PLEKHH2: variants seen among roughly 807,000 people sequenced by gnomAD.
The protein encoded by PLEKHH2 is pleckstrin homology, MyTH4 and FERM domain containing H2, also known as pleckstrin homology domain-containing family H member 2.
In PLEKHH2, 129 loss-of-function variants were observed where a neutral mutation model predicts 187.9. The ratio of observed to expected loss-of-function variants is 0.69; its 90% CI spans 0.59 to 0.79. PLEKHH2 has a LOEUF of 0.79. Ranked by LOEUF, PLEKHH2 falls within the 30% of genes least tolerant of loss-of-function variation. The pLI, the probability that PLEKHH2 is intolerant of heterozygous loss-of-function variation, is 0.00. For synonymous variants in PLEKHH2, 686 were observed against 605.6 expected, an observed-to-expected ratio of 1.13 and a Z score of -1.95; for missense variants, 2,076 against 1,751.2, an observed-to-expected ratio of 1.19 and a Z score of -3.31.
At chr2:43,716,806 G>A (rs1670234144) in intron 15 of PLEKHH2, among the ~76,000 whole-genome samples, 1 of 152,150 alleles carries the variant, frequency 6.6e-6, no homozygotes, top group East Asian at 1.9e-4. Context: ...TGTGAAAATA[G>A]AGGGAATAAT....
At chr2:43,732,586 A>T (rs772959928) in intron 19 of PLEKHH2, among the ~76,000 whole-genome samples, 1 of 152,158 alleles carries the variant, frequency 6.6e-6, no homozygotes, top group Non-Finnish European at 1.5e-5. Flanking sequence ...AAAAGCTTCA[A>T]TTCGAACATC....
At chr2:43,683,835 G>C (rs1465702555) in intron 3 of PLEKHH2, among the ~76,000 whole-genome samples, 1 of 151,314 alleles carries the variant, frequency 6.6e-6, no homozygotes. Context: ...TTAAATCAAT[G>C]ATTTCATCAG....
At chr2:43,678,111 C>G (rs188893909) in intron 2 of PLEKHH2, among the ~76,000 whole-genome samples, 26 of 146,462 alleles carry the variant, frequency 1.8e-4, no homozygotes, top group African/African-American at 6.6e-4. Flanking sequence ...CATTCCAGAC[C>G]GGGCGGCGGG....
chr2:43,733,695 A>G (rs911424396), intron 19 of PLEKHH2, among the ~76,000 whole-genome samples: 1 of 152,212 alleles, frequency 6.6e-6, no homozygotes, highest in African/African-American at 2.4e-5. Context: ...GATATACATT[A>G]AAATACTCCA....
intron 2 of PLEKHH2, among the ~76,000 whole-genome samples, chr2:43,650,993 T>C (rs1487295165): frequency 6.6e-6 from 1 of 152,056 alleles, no homozygotes; most frequent in South Asian, 2.1e-4. Flanking sequence ...TTTAAAATAA[T>C]CTAAGTTTTA....
intron 3 of PLEKHH2, among the ~76,000 whole-genome samples, chr2:43,683,037 C>G (rs1353890037): frequency 6.6e-6 from 1 of 151,934 alleles, no homozygotes; most frequent in African/African-American, 2.4e-5. Context: ...TCTCCTGTGC[C>G]CTACCTATTC....
At chr2:43,679,361 T>C (rs1295018681) in intron 3 of PLEKHH2, among the ~76,000 whole-genome samples, 2 of 151,674 alleles carry the variant, frequency 1.3e-5, no homozygotes, top group African/African-American at 4.9e-5. Flanking sequence ...TGCATTAATA[T>C]GTAAAAATGC....
chr2:43,716,219 G>A lies in PLEKHH2; in HGVS notation c.2460+3836G>A, dbSNP rs1572609692. On this transcript the variant is annotated intron_variant, in intron 15 of 29. Transcript: ENST00000282406. ...CTAAGGGGAAGGCCCCTGGAAGAAG[G>A]GAGGAGGGGGATTAAAGACAAAGTC... Among the ~76,000 whole-genome samples the A allele has an allele frequency of 2.6e-5, 4 of 152,248 alleles. 1 individual carries two copies. In the South Asian group the frequency reaches 8.3e-4, roughly 32 times the overall value.
At chr2:43,748,773 TG>T (rs1285344732) in intron 24 of PLEKHH2, among the ~76,000 whole-genome samples, 1 of 151,660 alleles carries the variant, frequency 6.6e-6, no homozygotes, top group Non-Finnish European at 1.5e-5. Flanking sequence ...TTTTTTTTTT[TG>T]AGACAGAACT....
chr2:43,692,654 T>C lies in PLEKHH2; in HGVS notation c.327T>C (p.Leu109=), dbSNP rs1456808104. 1 of 1,613,144 alleles carries C rather than the reference T, an allele frequency of 6.2e-7. No homozygotes were observed. Among genetic ancestry groups the C allele is most frequent in the Non-Finnish European group, 8.5e-7 (1 of 1,179,564 alleles). Reference sequence around the variant, plus strand: ...TCATTCAAAACTTGGAATTGCAACTTGAAGAGCAGGTTAGGAAGAATTTGA... The same window carrying C: ...TCATTCAAAACTTGGAATTGCAACTCGAAGAGCAGGTTAGGAAGAATTTGA... The part of the protein sequence containing the change: ...DDVIQNLELQ[L]EEQKQIRIQE... The change falls in exon 4 of 30, where the codon CTT becomes CTC. Residue 109 remains leucine, a synonymous_variant. Coordinates refer to ENST00000282406, the MANE Select transcript of PLEKHH2 (RefSeq NM_172069.4).
intron 15 of PLEKHH2, among the ~76,000 whole-genome samples, chr2:43,714,437 A>G (rs7602075): frequency 0.07 from 10,628 of 152,166 alleles, 1,206 homozygotes; most frequent in African/African-American, 0.24. Context: ...TTAGAACCTT[A>G]TGAGAGAACA....
rs1341831601 is a variant in PLEKHH2, at chr2:43,652,948, G to A, written c.123+8152G>A. On this transcript the variant is annotated intron_variant, in intron 2 of 29. Coordinates refer to ENST00000282406, the MANE Select transcript of PLEKHH2 (RefSeq NM_172069.4). ...AGAGCTCTTAGAAAACCAAAAACAT[G>A]GTAGAAAAAATGGCAAACCTAAGAG... is the stretch of plus-strand genomic sequence containing the variant. 5.3e-5 allele frequency among the ~76,000 whole-genome samples: 8 copies of A among 152,078 alleles called. No individual in the cohort carries two copies. In the South Asian group the frequency reaches 1.0e-3, roughly 20 times the overall value.
chr2:43,678,597 G>A (rs1667992125), intron 2 of PLEKHH2, among the ~76,000 whole-genome samples: 1 of 152,096 alleles, frequency 6.6e-6, no homozygotes, highest in South Asian at 2.1e-4. Flanking sequence ...GCAATCGCAG[G>A]CACTCGGCAG....
intron 2 of PLEKHH2, chr2:43,675,726 G>A (rs567443655): frequency 1.2e-6 from 2 of 1,613,746 alleles, no homozygotes; most frequent in African/African-American, 1.3e-5. Flanking sequence ...CAGAGTTATC[G>A]AGAAGTCTGT....
At chr2:43,715,454 A>T (rs895971818) in intron 15 of PLEKHH2, among the ~76,000 whole-genome samples, 19 of 152,134 alleles carry the variant, frequency 1.2e-4, no homozygotes, top group African/African-American at 4.6e-4. Context: ...TAACAGGAGC[A>T]TGGGCATATT....
At chr2:43,675,180 C>A in intron 2 of PLEKHH2, 1 of 427,824 alleles carries the variant, frequency 2.3e-6, no homozygotes. Flanking sequence ...TTATTTAATG[C>A]AAAATATCCA....
intron 9 of PLEKHH2, among the ~76,000 whole-genome samples, chr2:43,704,401 C>T (rs1050147639): frequency 2.0e-5 from 3 of 152,050 alleles, no homozygotes; most frequent in Non-Finnish European, 4.4e-5. Context: ...GTGGCTCGCG[C>T]CTGTTATCCC....
chr2:43,682,888 T>A (rs916707205), intron 3 of PLEKHH2, among the ~76,000 whole-genome samples: 1 of 152,256 alleles, frequency 6.6e-6, no homozygotes, highest in Middle Eastern at 3.4e-3. Context: ...ATCCACGTTG[T>A]AGCATGTGTC....
At chr2:43,680,685 A>G (rs988558944) in intron 3 of PLEKHH2, 5 of 389,576 alleles carry the variant, frequency 1.3e-5, no homozygotes, top group Non-Finnish European at 2.5e-5. Context: ...GCTGCTCAAA[A>G]TTGAAGTCAA....
Sources: allele counts gnomAD v4.1 joint callset (sites outside exome capture counted in the v4.1 genomes callset), GRCh38; gene constraint gnomAD v4.1.1; transcripts MANE v1.5; gene names NCBI Gene and HGNC (gene_info 2026-07-23, HGNC 2026-07-21).